The following PARP15 variants were observed in gnomAD, a reference collection of about 807,000 sequenced individuals.
PARP15 encodes protein mono-ADP-ribosyltransferase PARP15.
Under a neutral mutation model 62.1 loss-of-function variants are expected in PARP15, and 50 were observed. That is an observed-to-expected ratio of 0.81 (90% confidence interval 0.64 to 1.02). The LOEUF (loss-of-function observed/expected upper bound fraction) is 1.02. PARP15 is among the 50% of genes least tolerant of loss of function. PARP15 has a pLI of 0.00. For missense variants in PARP15, 820 were observed against 826.5 expected (o/e 0.99, Z 0.10); for synonymous variants, 309 against 293.1 (o/e 1.05, Z -0.55).
chr3:122,626,196 C>CTTTTTT (rs34106420), intron 8 of PARP15, among the ~76,000 whole-genome samples: 1 of 122,114 alleles, frequency 8.2e-6, no homozygotes, highest in African/African-American at 3.2e-5. Flanking sequence ...AGCTGTCACT[C>CTTTTTT]TTTTTTTTTT....
intron 2 of PARP15, among the ~76,000 whole-genome samples, chr3:122,606,313 C>T (rs1197188675): frequency 2.0e-5 from 3 of 152,152 alleles, no homozygotes; most frequent in African/African-American, 7.2e-5. Context: ...TCTTTTATTT[C>T]TCTGTAACTG....
chr3:122,620,169 G>C (rs1471383791), intron 7 of PARP15, among the ~76,000 whole-genome samples: 1 of 152,188 alleles, frequency 6.6e-6, no homozygotes, highest in Non-Finnish European at 1.5e-5. Flanking sequence ...TCATCAGTAG[G>C]AAAGTTCTAC....
chr3:122,588,716 C>T lies in PARP15; in HGVS notation c.186+10863C>T, dbSNP rs570351451. 4.6e-5 allele frequency among the ~76,000 whole-genome samples: 7 copies of T among 152,248 alleles called. No individual in the cohort carries two copies. The South Asian group carries it at 1.5e-3, about 32-fold the overall frequency. The stretch of plus-strand genomic sequence containing the variant: ...ATCACCGCAAGAGAAACTCCATATG[C>T]ATTAGCAGTCACCCCTTATTTCCTC... On this transcript the variant is annotated intron_variant, in intron 1 of 11. Transcript: ENST00000464300.
intron 1 of PARP15, among the ~76,000 whole-genome samples, chr3:122,596,678 G>T (rs1331467425): frequency 2.0e-5 from 3 of 152,102 alleles, no homozygotes; most frequent in Non-Finnish European, 4.4e-5. Context: ...TTCTTGAAGG[G>T]TTTACCATGC....
chr3:122,604,686 T>G (rs1935036819), intron 1 of PARP15, among the ~76,000 whole-genome samples: 1 of 151,946 alleles, frequency 6.6e-6, no homozygotes. Context: ...AAGATAATTT[T>G]TGTATCTTTG....
chr3:122,580,443 G>A (rs901942544), intron 1 of PARP15, among the ~76,000 whole-genome samples: 1 of 152,050 alleles, frequency 6.6e-6, no homozygotes, highest in Non-Finnish European at 1.5e-5. Flanking sequence ...AATCTACCAA[G>A]TTTCTTTTTC....
intron 10 of PARP15, among the ~76,000 whole-genome samples, chr3:122,632,718 C>T (rs560285275): frequency 6.6e-6 from 1 of 152,348 alleles, no homozygotes; most frequent in East Asian, 1.9e-4. Context: ...CCCGCAGTTA[C>T]TGGACGAGAA....
intron 1 of PARP15, among the ~76,000 whole-genome samples, chr3:122,580,113 C>T (rs2080773676): frequency 6.6e-6 from 1 of 150,486 alleles, no homozygotes; most frequent in Non-Finnish European, 1.5e-5. Context: ...TTTCCAAGCA[C>T]ACTTGAAAAC....
intron 4 of PARP15, among the ~76,000 whole-genome samples, chr3:122,613,891 G>A (rs972060675): frequency 2.9e-5 from 4 of 137,602 alleles, no homozygotes; most frequent in African/African-American, 1.1e-4. Context: ...GTGTGATCTC[G>A]GCTCACTGCA....
intron 10 of PARP15, among the ~76,000 whole-genome samples, chr3:122,633,051 T>C (rs750436983): frequency 6.5e-4 from 99 of 152,276 alleles, no homozygotes; most frequent in Middle Eastern, 6.8e-3. Context: ...ATTTAAAATC[T>C]TGTTACCGCT....
intron 8 of PARP15, among the ~76,000 whole-genome samples, chr3:122,623,382 C>T (rs1318197773): frequency 2.0e-5 from 3 of 152,062 alleles, no homozygotes; most frequent in African/African-American, 7.2e-5. Flanking sequence ...AGAATGATAC[C>T]CAATGCAGAG....
intron 1 of PARP15, among the ~76,000 whole-genome samples, chr3:122,578,516 C>A (rs2107789752): frequency 6.6e-6 from 1 of 152,166 alleles, no homozygotes; most frequent in East Asian, 1.9e-4. Context: ...ACTTGAGATA[C>A]CAGCTTTATC....
At chr3:122,592,269 A>G (rs1468931863) in intron 1 of PARP15, among the ~76,000 whole-genome samples, 1 of 152,220 alleles carries the variant, frequency 6.6e-6, no homozygotes, top group Non-Finnish European at 1.5e-5. Flanking sequence ...CATAAAAAGG[A>G]TGAGATCATG....
At chr3:122,596,123 C>G (rs1024548788) in intron 1 of PARP15, among the ~76,000 whole-genome samples, 16 of 151,780 alleles carry the variant, frequency 1.1e-4, no homozygotes, top group Non-Finnish European at 2.4e-4. Flanking sequence ...CTTTGGGAGG[C>G]CGAGGCAGGT....
chr3:122,601,172 T>C (rs1386695102), intron 1 of PARP15, among the ~76,000 whole-genome samples: 11 of 151,482 alleles, frequency 7.3e-5, no homozygotes, highest in Admixed American at 7.2e-4. Context: ...TACAGGTGCT[T>C]GCCACCACGC....
intron 1 of PARP15, among the ~76,000 whole-genome samples, chr3:122,593,124 G>GTATCTATC (rs1553727466): frequency 1.0e-4 from 14 of 133,482 alleles, no homozygotes; most frequent in Middle Eastern, 3.6e-3. Context: ...ATCTATCTAT[G>GTATCTATC]TATCTATCTA....
chr3:122,592,815 A>C (rs1576484832), intron 1 of PARP15, among the ~76,000 whole-genome samples: 1 of 152,292 alleles, frequency 6.6e-6, no homozygotes, highest in Non-Finnish European at 1.5e-5. Flanking sequence ...TCACACATTC[A>C]GTAATGGTGG....
At position 122,627,052 on chromosome 3, in the gene PARP15, A is replaced by AAAAATC; in HGVS notation, c.1438+21_1438+26dup. The AAAAATC allele has an allele frequency of 6.4e-7, 1 of 1,570,764 alleles. No individual in the cohort carries two copies. Among genetic ancestry groups the AAAAATC allele is most frequent in the Non-Finnish European group, 8.7e-7 (1 of 1,147,834 alleles). ...ACTACATGTAAGATGTTCACTTTTT[A>AAAAATC]AAAATCACCCTGCTGGCTCTGATAA... On this transcript the variant is annotated intron_variant, in intron 9 of 11. Transcript: ENST00000464300.
rs1482019751 is a variant in PARP15, at chr3:122,638,966, CATT to C, written c.*2870_*2872del. Reference sequence around the variant, plus strand: ...ATAAAGTTTTTAAAAATGTAATCATCATTATTTATAGTTTAATAATCAGTTTCA... The same window carrying C: ...ATAAAGTTTTTAAAAATGTAATCATCATTTATAGTTTAATAATCAGTTTCA... On this transcript the variant is annotated 3_prime_UTR_variant, in exon 12 of 12. Transcript: ENST00000464300. 1 of 152,100 alleles carries C rather than the reference CATT, an allele frequency of 6.6e-6. No homozygotes were observed. Among genetic ancestry groups the C allele is most frequent in the Non-Finnish European group, 1.5e-5 (1 of 68,020 alleles). The allele number at this position is 152,100 out of a possible 1,614,324, so 9.4% of individuals were successfully genotyped here.
Sources: gnomAD v4.1 joint callset for allele counts (sites outside exome capture counted in the v4.1 genomes callset) on GRCh38, gnomAD v4.1.1 for gene constraint, MANE v1.5 for transcripts, NCBI Gene and HGNC (gene_info 2026-07-23, HGNC 2026-07-21) for gene names.